ARID5A: variants seen among roughly 807,000 people sequenced by gnomAD.
The protein encoded by ARID5A is AT-rich interactive domain-containing protein 5A.
Under a neutral mutation model 30.5 loss-of-function variants are expected in ARID5A, and 14 were observed. The observed-to-expected ratio is 0.46, with a 90% CI of 0.30 to 0.72. ARID5A has a LOEUF of 0.72. ARID5A is among the 30% of genes least tolerant of loss of function. The pLI is 0.07. For synonymous variants in ARID5A, 338 were observed against 340.4 expected, an observed-to-expected ratio of 0.99 and a Z score of 0.08; for missense variants, 669 against 786.2, an observed-to-expected ratio of 0.85 and a Z score of 1.78.
At position 96,552,286 on chromosome 2, in the gene ARID5A, C is replaced by T. The variant is rs1463029845; in HGVS notation, c.1758C>T (p.His586=). The T allele has an allele frequency of 6.2e-7, 1 of 1,613,086 alleles. No individual in the cohort carries two copies. Among genetic ancestry groups the T allele is most frequent in the South Asian group, 1.1e-5 (1 of 91,032 alleles). The change falls in exon 7 of 7, where the codon CAC becomes CAT. Residue 586 remains histidine, a synonymous_variant. Coordinates refer to ENST00000357485, the MANE Select transcript of ARID5A (RefSeq NM_212481.3). The part of the protein sequence containing the change: ...APPVTTYAAP[H]FFHLNTKL ...CAGTCACAACCTATGCAGCGCCCCA[C>T]TTCTTCCACCTCAACACCAAGCTGT...
Position 96,550,720 on chromosome 2 carries a change from G to T in ARID5A, c.557G>T (p.Arg186Leu). 2 of 1,578,026 alleles carry T rather than the reference G, an allele frequency of 1.3e-6. No individual in the cohort carries two copies. Among genetic ancestry groups the T allele is most frequent in the Non-Finnish European group, 1.7e-6 (2 of 1,163,032 alleles). ...AGGCCGAAGAAGGCCAAGGAGGAGC[G>T]GCGCATGGACCAGGTAGGCCTGCGG... ...TERPKKAKEE[R>L]RMDQMMPGKT... Residue 186 changes from arginine to leucine, a missense_variant, in exon 6 of 7, where the codon CGG becomes CTG. Physicochemically the swap from Arg to Leu is moderately radical, Grantham distance 102. Around this residue, in one of 4 missense-constraint regions of ARID5A, gnomAD observed 548 missense variants for 577.4 expected, o/e 0.95. Coordinates refer to ENST00000357485, the MANE Select transcript of ARID5A (RefSeq NM_212481.3). This position sits in a 1 kb window ranked among gnomAD's most constrained non-coding sequence, Gnocchi z 6.6.
chr2:96,547,436 G>A lies in ARID5A; in HGVS notation c.39G>A (p.Thr13=), dbSNP rs758727117. 9.9e-6 allele frequency: 16 copies of A among 1,613,886 alleles called. No individual in the cohort carries two copies. Among genetic ancestry groups the A allele is most frequent in the African/African-American group, 8.0e-5 (6 of 74,856 alleles). The change falls in exon 2 of 7, where the codon ACG becomes ACA. Residue 13 remains threonine (T), a synonymous_variant. Transcript: ENST00000357485. Reference sequence around the variant, plus strand: ...TCAAAGGGAACAGGAAGCAGTCCACGGAGGGTGACGCCCTAGACCCACCTG... The same window carrying A: ...TCAAAGGGAACAGGAAGCAGTCCACAGAGGGTGACGCCCTAGACCCACCTG... ...APVKGNRKQS[T]EGDALDPPAS... is the part of the protein sequence containing the mutation.
At chr2:96,542,515 T>C (rs983252952) in intron 1 of ARID5A, among the ~76,000 whole-genome samples, 3 of 152,142 alleles carry the variant, frequency 2.0e-5, no homozygotes, top group Non-Finnish European at 4.4e-5. Flanking sequence ...CTCTGAACCA[T>C]GCAGAAGGGA....
intron 1 of ARID5A, 106 bp from the exon 2 acceptor site, chr2:96,547,296 G>T: frequency 1.0e-6 from 1 of 964,748 alleles, no homozygotes; most frequent in Non-Finnish European, 1.5e-6. Flanking sequence ...GCGCCCTCTG[G>T]CAACTCCAAT....
rs962639927 is a variant in ARID5A at position 96,549,546 on chromosome 2, TGA to T, written c.259+88_259+89del. ...ATCGGGCAGGCACTCCCACTCTGGG[TGA>T]CCCAGGTTGCAGATAGAAAGGAGGC... On this transcript the variant is annotated intron_variant, in intron 3 of 6. Coordinates refer to ENST00000357485, the MANE Select transcript of ARID5A (RefSeq NM_212481.3). The surrounding 1 kb of genome is among the most constrained non-coding windows in gnomAD (Gnocchi z 6.1). 91 of 1,554,498 alleles carry T rather than the reference TGA, an allele frequency of 5.9e-5. No homozygotes were observed. The highest frequency in any genetic ancestry group is 6.9e-5 in the Non-Finnish European group (79 of 1,139,850).
At position 96,552,407 on chromosome 2, in the gene ARID5A, C is replaced by G; in HGVS notation, c.*94C>G. 1 of 1,577,304 alleles carries G rather than the reference C, an allele frequency of 6.3e-7. No homozygotes were observed. Among genetic ancestry groups the G allele is most frequent in the Non-Finnish European group, 8.6e-7 (1 of 1,163,248 alleles). ...GGGGCTCTGAACTAGTGCCTGCTAC[C>G]CAGGACACCCGGGCCATGCCCCTGG... On this transcript the variant is annotated 3_prime_UTR_variant, in exon 7 of 7. Coordinates refer to ENST00000357485, the MANE Select transcript of ARID5A (RefSeq NM_212481.3).
At chr2:96,542,735 T>C (rs1315170281) in intron 1 of ARID5A, among the ~76,000 whole-genome samples, 2 of 152,084 alleles carry the variant, frequency 1.3e-5, no homozygotes, top group African/African-American at 2.4e-5. Context: ...AAGGGTCACA[T>C]AGCAAGTCTG....
chr2:96,538,287 C>G lies in ARID5A; in HGVS notation c.4+1457C>G, dbSNP rs2065780042. On this transcript the variant is annotated intron_variant, in intron 1 of 6. Coordinates refer to ENST00000357485, the MANE Select transcript of ARID5A (RefSeq NM_212481.3). ...CTCCGTGGGGAGGGACAGTCCCATC[C>G]TGGAACTGGGGCTTTTAGGACATCC... The G allele has an allele frequency of 5.1e-6, 5 of 985,400 alleles. No homozygotes were observed. In the African/African-American group the frequency reaches 7.0e-5, roughly 14 times the overall value. 61.0% of individuals were successfully genotyped at this position (985,400 alleles called of 1,614,324 possible). A position where few individuals can be genotyped will look rare whatever the true frequency, so the allele number is the denominator to read the frequency against.
intron 1 of ARID5A, among the ~76,000 whole-genome samples, chr2:96,544,264 A>C (rs2065889238): frequency 6.6e-6 from 1 of 152,242 alleles, no homozygotes; most frequent in South Asian, 2.1e-4. Flanking sequence ...ATCACTGATG[A>C]AGGTGGCCAC....
chr2:96,536,776 C>A lies in ARID5A; in HGVS notation c.-51C>A. On this transcript the variant is annotated 5_prime_UTR_variant, in exon 1 of 7. Transcript: ENST00000357485. The stretch of plus-strand genomic sequence containing the variant: ...TATCTCAGAGAGCGCGGGGTCCGGA[C>A]AGCCGCGCGCTGAGGGTCTCGGGGC... The A allele has an allele frequency of 8.2e-7, 1 of 1,225,906 alleles. No individual in the cohort carries two copies. Among genetic ancestry groups the A allele is most frequent in the Non-Finnish European group, 1.0e-6 (1 of 984,108 alleles). 75.9% of individuals were successfully genotyped at this position (1,225,906 alleles called of 1,614,324 possible).
intron 1 of ARID5A, among the ~76,000 whole-genome samples, chr2:96,543,208 T>C (rs759637620): frequency 7.9e-5 from 12 of 152,238 alleles, no homozygotes; most frequent in Non-Finnish European, 1.5e-4. Context: ...AATCAGACTT[T>C]GTTTTGAATC....
chr2:96,547,492 G>T lies in ARID5A; in HGVS notation c.95G>T (p.Gly32Val), dbSNP rs141960943. 6.5e-3 allele frequency: 10,527 copies of T among 1,613,916 alleles called. 706 individuals carry two copies. In the Admixed American group the frequency reaches 0.13, roughly 20 times the overall value. Residue 32 changes from glycine (G) to valine (V), a missense_variant, in exon 2 of 7, where the codon GGA (glycine) becomes GTA (valine). Around this residue, in one of 4 missense-constraint regions of ARID5A, gnomAD observed 56 missense variants for 72.8 expected, o/e 0.77. Transcript: ENST00000357485. Reference protein sequence around the residue: ...ASPKPAGKQNGIQNPISLEDS... With the variant: ...ASPKPAGKQNVIQNPISLEDS... ...CCCAAACCTGCTGGCAAGCAGAACG[G>T]AATCCAGAACCCCATCTCGCTGGAG...
intron 1 of ARID5A, chr2:96,538,340 A>T: frequency 3.0e-6 from 3 of 985,424 alleles, no homozygotes; most frequent in Non-Finnish European, 3.6e-6. Context: ...GACAGGGAGA[A>T]TGGGGCTTGG....
rs1326095787 is a variant in ARID5A, at chr2:96,550,042, G to A, written c.313-146G>A. The A allele has an allele frequency of 6.5e-7, 1 of 1,533,520 alleles. No homozygotes were observed. The highest frequency in any genetic ancestry group is 2.4e-5 in the East Asian group (1 of 40,872). 95.0% of individuals were successfully genotyped at this position (1,533,520 alleles called of 1,614,324 possible). A position where few individuals can be genotyped will look rare whatever the true frequency, so the allele number is the denominator to read the frequency against. ...TTGGGCCAGCAGTCCATGGCCCTAG[G>A]AGAGAGAATCGGCTGGCCGCTGCTG... On this transcript the variant is annotated intron_variant, in intron 4 of 6. Transcript: ENST00000357485. This position sits in a 1 kb window ranked among gnomAD's most constrained non-coding sequence, Gnocchi z 6.6.
In ARID5A at chr2:96,550,761, C is replaced by T; in HGVS notation, c.570+28C>T. On this transcript the variant is annotated intron_variant, in intron 6 of 6. Coordinates refer to ENST00000357485, the MANE Select transcript of ARID5A (RefSeq NM_212481.3). This position sits in a 1 kb window ranked among gnomAD's most constrained non-coding sequence, Gnocchi z 6.6. ...AGGCCTGCGGCTGGCTGGGGCCACC[C>T]TGTCCCTTGCCTCTTGTAGCCCCCT... 1 of 1,525,434 alleles carries T rather than the reference C, an allele frequency of 6.6e-7. No homozygotes were observed. The highest frequency in any genetic ancestry group is 8.8e-7 in the Non-Finnish European group (1 of 1,134,616). 94.5% of individuals were successfully genotyped at this position (1,525,434 alleles called of 1,614,324 possible).
Position 96,549,898 on chromosome 2 carries a change from G to T in ARID5A, c.312+93G>T. On this transcript the variant is annotated intron_variant, in intron 4 of 6. Coordinates refer to ENST00000357485, the MANE Select transcript of ARID5A (RefSeq NM_212481.3). This position sits in a 1 kb window ranked among gnomAD's most constrained non-coding sequence, Gnocchi z 6.1. ...TGCCTCTGGACAGAGGAAGAGCCAG[G>T]ATCCCCAGTCCTACCCCTGCGTCCC... 6.5e-7 allele frequency: 1 copy of T among 1,549,926 alleles called. No homozygotes were observed.
Position 96,551,963 on chromosome 2 carries a change from G to A in ARID5A, c.1435G>A (p.Ala479Thr), listed in dbSNP as rs1398310890. ...ADAKKCGAKPAGSGLVSCLLG... is the reference protein window; with the variant it reads ...ADAKKCGAKPTGSGLVSCLLG... ...TGCCAAGAAGTGTGGGGCCAAACCT[G>A]CAGGGTCCGGCCTGGTCTCCTGCCT... The change falls in exon 7 of 7, where the codon GCA becomes ACA. Residue 479 changes from alanine (A) to threonine (T), a missense_variant. By Grantham distance (58) the Ala-to-Thr change is moderately conservative. Transcript: ENST00000357485. 6.6e-7 allele frequency: 1 copy of A among 1,520,376 alleles called. No homozygotes were observed. Among genetic ancestry groups the A allele is most frequent in the Non-Finnish European group, 8.8e-7 (1 of 1,135,098 alleles). 94.2% of individuals were successfully genotyped at this position (1,520,376 alleles called of 1,614,324 possible). A position where few individuals can be genotyped will look rare whatever the true frequency, so the allele number is the denominator to read the frequency against.
chr2:96,551,804 G>A lies in ARID5A; in HGVS notation c.1276G>A (p.Ala426Thr). The A allele has an allele frequency of 6.3e-7, 1 of 1,585,594 alleles. No individual in the cohort carries two copies. The highest frequency in any genetic ancestry group is 8.6e-7 in the Non-Finnish European group (1 of 1,168,094). ...CWVSPMAKVP[A>T]ESPTLPPTFP... Reference sequence around the variant, plus strand: ...GGTGTCCCCCATGGCCAAGGTCCCAGCCGAGAGCCCCACGCTCCCGCCCAC... The same window carrying A: ...GGTGTCCCCCATGGCCAAGGTCCCAACCGAGAGCCCCACGCTCCCGCCCAC... Residue 426 changes from alanine to threonine, a missense_variant, in exon 7 of 7, where the codon GCC (alanine) becomes ACC (threonine). Transcript: ENST00000357485.
chr2:96,549,216 G>T lies in ARID5A; in HGVS notation c.121-105G>T. ...GCTAGGTGTTCTCTGGGAAACTGGGGTTGGGGTAGGTACCTTATTCCTCCT... is the reference window on the plus strand; with the variant it reads ...GCTAGGTGTTCTCTGGGAAACTGGGTTTGGGGTAGGTACCTTATTCCTCCT... On this transcript the variant is annotated intron_variant, in intron 2 of 6. Coordinates refer to ENST00000357485, the MANE Select transcript of ARID5A (RefSeq NM_212481.3). The surrounding 1 kb of genome is among the most constrained non-coding windows in gnomAD (Gnocchi z 6.1). 3 of 1,527,264 alleles carry T rather than the reference G, an allele frequency of 2.0e-6. No individual in the cohort carries two copies. Among genetic ancestry groups the T allele is most frequent in the African/African-American group, 2.8e-5 (2 of 72,296 alleles). 94.6% of individuals were successfully genotyped at this position (1,527,264 alleles called of 1,614,324 possible).
Sources: gnomAD v4.1 joint callset for allele counts (sites outside exome capture counted in the v4.1 genomes callset) on GRCh38, gnomAD v4.1.1 for gene constraint, gnomAD v4.1.1 regional missense constraint, Gnocchi (gnomAD v3.1) non-coding constraint, MANE v1.5 for transcripts, NCBI Gene and HGNC (gene_info 2026-07-23, HGNC 2026-07-21) for gene names.